Variants in TNRC18 observed in about 807,000 individuals in gnomAD.
The protein encoded by TNRC18 is trinucleotide repeat containing 18, also known as trinucleotide repeat-containing gene 18 protein.
TNRC18 carries 69 observed loss-of-function variants against 226.7 expected under a neutral mutation model. That is an observed-to-expected ratio of 0.30 (90% CI 0.25 to 0.37). The LOEUF is 0.37. Ranked by LOEUF, TNRC18 falls within the 10% of genes least tolerant of loss-of-function variation. The pLI is 1.00. For synonymous variants in TNRC18, 2,449 were observed against 1,927.6 expected (o/e 1.27, Z -7.09); for missense variants, 4,754 against 4,256.6 (o/e 1.12, Z -3.25).
chr7:5,410,967 A>T (rs1781801770), intron 2 of TNRC18, among the ~76,000 whole-genome samples: 1 of 150,882 alleles, frequency 6.6e-6, no homozygotes, highest in Admixed American at 6.6e-5. Flanking sequence ...GCACTTTGGG[A>T]GGCCGAGGCA....
intron 2 of TNRC18, among the ~76,000 whole-genome samples, chr7:5,401,598 G>A (rs889433634): frequency 3.9e-5 from 6 of 152,296 alleles, no homozygotes; most frequent in Admixed American, 1.3e-4. Flanking sequence ...TCTTTGAAAG[G>A]GTGTCTGCTG....
chr7:5,409,990 CAA>C (rs775692873), intron 2 of TNRC18, among the ~76,000 whole-genome samples: 4 of 119,490 alleles, frequency 3.3e-5, no homozygotes, highest in Admixed American at 8.9e-5. Flanking sequence ...GACTACGTCT[CAA>C]AAAAAAAAAA....
chr7:5,390,261 G>A (rs902239218), intron 4 of TNRC18: 18 of 559,980 alleles, frequency 3.2e-5, no homozygotes, highest in African/African-American at 1.2e-4. Flanking sequence ...GCTACTTGGG[G>A]GGCTGAGTCA....
At chr7:5,411,390 C>T (rs1447218542) in intron 2 of TNRC18, among the ~76,000 whole-genome samples, 1 of 151,324 alleles carries the variant, frequency 6.6e-6, no homozygotes, top group Non-Finnish European at 1.5e-5. Context: ...TGGTGACTCA[C>T]ACCTGTAATC....
Position 5,332,680 on chromosome 7 carries a change from C to A in TNRC18, c.6089G>T (p.Gly2030Val). 6.5e-7 allele frequency: 1 copy of A among 1,529,994 alleles called. No individual in the cohort carries two copies. Among genetic ancestry groups the A allele is most frequent in the Non-Finnish European group, 8.8e-7 (1 of 1,141,454 alleles). The allele number at this position is 1,529,994 out of a possible 1,614,324, so 94.8% of individuals were successfully genotyped here. The change falls in exon 19 of 30, where the codon GGC becomes GTC. Residue 2030 changes from glycine (G) to valine (V), a missense_variant. Gly to Val is a moderately radical substitution (Grantham distance 109). Transcript: ENST00000430969. ...GGCGTCCTTGCGCGGGCTCAGGGGG[C>A]CGCCCTTGGCGCAGCGGCTGGTCTT... ...ATKTSRCAKG[G>V]PLSPRKDAGR... is the part of the protein sequence containing the mutation.
At chr7:5,375,471 G>GC (rs1321071773) in intron 9 of TNRC18, among the ~76,000 whole-genome samples, 11 of 152,306 alleles carry the variant, frequency 7.2e-5, no homozygotes, top group African/African-American at 2.6e-4. Context: ...AGAAGTAAAG[G>GC]CACTTGCCCA....
rs373135326 is a variant in TNRC18 at position 5,405,440 on chromosome 7, G to T, written c.188-10845C>A. Among the ~76,000 whole-genome samples the T allele has an allele frequency of 2.0e-5, 3 of 152,096 alleles. 1 individual carries two copies. In the South Asian group the frequency reaches 6.2e-4, roughly 32 times the overall value. ...AAAAATTAGCCAAGTGTGGTGGTGC[G>T]CACCTGTAATCCCAGCTATTAAGGA... On this transcript the variant is annotated intron_variant, in intron 2 of 29. Transcript: ENST00000430969.
At chr7:5,339,576 T>TGG (rs1370307680) in intron 18 of TNRC18, among the ~76,000 whole-genome samples, 5 of 148,610 alleles carry the variant, frequency 3.4e-5, no homozygotes, top group Non-Finnish European at 7.4e-5. Context: ...TGTGTGTGTG[T>TGG]GTTTTTCGAC....
chr7:5,334,718 G>GT (rs1370894737), intron 18 of TNRC18, among the ~76,000 whole-genome samples: 2 of 152,084 alleles, frequency 1.3e-5, no homozygotes, highest in South Asian at 2.1e-4. Flanking sequence ...GTACCACCCC[G>GT]TAACAGTCCC....
At chr7:5,327,384 T>C (rs1471183357) in intron 19 of TNRC18, among the ~76,000 whole-genome samples, 214 of 104,064 alleles carry the variant, frequency 2.1e-3, no homozygotes, top group African/African-American at 4.4e-3. Context: ...TGTGTGTGTG[T>C]GTGTGTGTGT....
At position 5,377,773 on chromosome 7, in the gene TNRC18, C is replaced by T; in HGVS notation, c.2255+149G>A. The T allele has an allele frequency of 1.0e-6, 1 of 996,176 alleles. No homozygotes were observed. The highest frequency in any genetic ancestry group is 1.5e-6 in the Non-Finnish European group (1 of 675,184). 61.7% of individuals were successfully genotyped at this position (996,176 alleles called of 1,614,324 possible). On this transcript the variant is annotated intron_variant, in intron 6 of 29. Coordinates refer to ENST00000430969, the MANE Select transcript of TNRC18 (RefSeq NM_001080495.3). This position sits in a 1 kb window ranked among gnomAD's most constrained non-coding sequence, Gnocchi z 5.8. ...GCCACCTGGCCTGGGCAGGGCTGGC[C>T]CGATGCTGAGGACCAGAGTGACTCC...
In TNRC18 at chr7:5,374,488, G is replaced by A. The variant is rs1794453985; in HGVS notation, c.2800-4C>T. The A allele has an allele frequency of 1.9e-6, 3 of 1,544,678 alleles. No individual in the cohort carries two copies. The highest frequency in any genetic ancestry group is 2.4e-5 in the South Asian group (2 of 83,930). ...CCTGCGCCTTCAACCGCTCCTGCTG[G>A]GAAGGGGCCGGCAGGCAGGGTCAGC... On this transcript the variant is annotated splice_region_variant and splice_polypyrimidine_tract_variant and intron_variant, in intron 9 of 29. Coordinates refer to ENST00000430969, the MANE Select transcript of TNRC18 (RefSeq NM_001080495.3).
At chr7:5,410,294 G>C (rs1393676309) in intron 2 of TNRC18, among the ~76,000 whole-genome samples, 1 of 122,436 alleles carries the variant, frequency 8.2e-6, no homozygotes. Context: ...CTGGGCAACA[G>C]AGCAAGACTC....
In TNRC18 at chr7:5,389,211, G is replaced by A; in HGVS notation, c.613C>T (p.Pro205Ser). ...PAKGSSSRDG[P>S]AKERAGRGGE... ...CCGCGGCCCGCCCGCTCCTTGGCTGGACCGTCCCGCGACGACGAGCCTTTG... is the reference window on the plus strand; with the variant it reads ...CCGCGGCCCGCCCGCTCCTTGGCTGAACCGTCCCGCGACGACGAGCCTTTG... Residue 205 changes from proline (P) to serine (S), a missense_variant, in exon 5 of 30, where the codon CCA becomes TCA. Physicochemically the swap from Pro to Ser is moderately conservative, Grantham distance 74 (BLOSUM62 -1). Transcript: ENST00000430969. The A allele has an allele frequency of 7.4e-7, 1 of 1,344,250 alleles. No individual in the cohort carries two copies. The highest frequency in any genetic ancestry group is 9.5e-7 in the Non-Finnish European group (1 of 1,049,756). 83.3% of individuals were successfully genotyped at this position (1,344,250 alleles called of 1,614,324 possible).
At chr7:5,325,822 G>C (rs1354628630) in intron 19 of TNRC18, among the ~76,000 whole-genome samples, 1 of 134,804 alleles carries the variant, frequency 7.4e-6, no homozygotes, top group Admixed American at 8.7e-5. Context: ...ATGCAGCCTC[G>C]ACCTCCTGGG....
chr7:5,385,374 G>C (rs907382246), intron 5 of TNRC18, among the ~76,000 whole-genome samples: 7 of 151,886 alleles, frequency 4.6e-5, no homozygotes, highest in African/African-American at 1.4e-4. Flanking sequence ...TGTAGTCCCA[G>C]CTACTGGGGA....
In TNRC18 at chr7:5,306,815, C is replaced by CTTTT. The variant is rs902186140; in HGVS notation, c.*1287_*1290dup. 1 of 151,104 alleles carries CTTTT rather than the reference C, an allele frequency of 6.6e-6. No individual in the cohort carries two copies. The highest frequency in any genetic ancestry group is 1.9e-4 in the East Asian group (1 of 5,160). 9.4% of individuals were successfully genotyped at this position (151,104 alleles called of 1,614,324 possible). A position where few individuals can be genotyped will look rare whatever the true frequency, so the allele number is the denominator to read the frequency against. On this transcript the variant is annotated 3_prime_UTR_variant, in exon 30 of 30. Coordinates refer to ENST00000430969, the MANE Select transcript of TNRC18 (RefSeq NM_001080495.3). ...TTTTATTTTTCCAATTAAATCTTTT[C>CTTTT]TTTTTTTTTATGAAAAAAGATCACA...
At chr7:5,345,234 C>A (rs1442245026) in intron 18 of TNRC18, among the ~76,000 whole-genome samples, 1 of 152,232 alleles carries the variant, frequency 6.6e-6, no homozygotes, top group Non-Finnish European at 1.5e-5. Flanking sequence ...CCTGGAGTGG[C>A]CCCCACAAAC....
At chr7:5,347,352 A>G (rs1202553647) in intron 17 of TNRC18, among the ~76,000 whole-genome samples, 3 of 143,116 alleles carry the variant, frequency 2.1e-5, no homozygotes, top group Non-Finnish European at 4.5e-5. Flanking sequence ...ACACCAGGCT[A>G]ATTTTTTTTT....
Sources: allele counts gnomAD v4.1 joint callset (sites outside exome capture counted in the v4.1 genomes callset), GRCh38; gene constraint gnomAD v4.1.1; non-coding constraint Gnocchi (gnomAD v3.1); transcripts MANE v1.5; gene names NCBI Gene and HGNC (gene_info 2026-07-23, HGNC 2026-07-21).